Variants in ABI3BP observed in about 807,000 individuals in gnomAD.
ABI3BP encodes ABI family member 3 binding protein, also known as target of Nesh-SH3.
ABI3BP carries 216 observed loss-of-function variants against 268.6 expected under a neutral mutation model. The ratio of observed to expected loss-of-function variants is 0.80; its 90% confidence interval spans 0.72 to 0.90. The LOEUF (loss-of-function observed/expected upper bound fraction) is 0.90. ABI3BP is among the 40% of genes least tolerant of loss of function. The pLI, the probability that ABI3BP is intolerant of heterozygous loss-of-function variation, is 0.00. For synonymous variants in ABI3BP, 730 were observed against 730.0 expected (o/e 1.00, Z 0.00); for missense variants, 2,090 against 2,182.4 (o/e 0.96, Z 0.84).
chr3:100,969,244 T>C (rs2082531500), intron 1 of ABI3BP, among the ~76,000 whole-genome samples: 1 of 152,178 alleles, frequency 6.6e-6, no homozygotes, highest in South Asian at 2.1e-4. Flanking sequence ...TCCCAAATTT[T>C]AGAGATAGAG....
intron 50 of ABI3BP, among the ~76,000 whole-genome samples, chr3:100,805,831 A>G (rs759342894): frequency 7.2e-5 from 11 of 152,094 alleles, no homozygotes; most frequent in Middle Eastern, 3.2e-3. Flanking sequence ...TAAGAATCCA[A>G]TGTGAAATGT....
chr3:100,866,891 G>C lies in ABI3BP; in HGVS notation c.976C>G (p.Arg326Gly), dbSNP rs1331967205. ...GCGATCTCATTACCTGTTGTGGGTC[G>C]TGCTGAGATTTTTTCAACCTCTGGT... ...KTPEVEKISA[R>G]PTTVTPETVP... is the part of the protein sequence containing the mutation. The change falls in exon 10 of 68, where the codon CGA becomes GGA. Residue 326 changes from arginine (R) to glycine (G), a missense_variant. Transcript: ENST00000471714. 6.2e-7 allele frequency: 1 copy of C among 1,613,524 alleles called. No homozygotes were observed. The highest frequency in any genetic ancestry group is 1.3e-5 in the African/African-American group (1 of 74,904).
At chr3:100,768,120 A>C in intron 62 of ABI3BP, among the ~76,000 whole-genome samples, 1 of 128,834 alleles carries the variant, frequency 7.8e-6, no homozygotes, top group African/African-American at 3.0e-5. Flanking sequence ...GGAGTCTCAC[A>C]CTCTGTCGCC....
chr3:100,930,639 T>C (rs959853567), intron 1 of ABI3BP: 1 of 151,874 alleles, frequency 6.6e-6, no homozygotes, highest in Non-Finnish European at 1.5e-5. Flanking sequence ...CCTCCCAAGA[T>C]TGAACCAGGA....
intron 24 of ABI3BP, among the ~76,000 whole-genome samples, chr3:100,839,112 T>G (rs1560648256): frequency 6.6e-6 from 1 of 152,170 alleles, no homozygotes; most frequent in Non-Finnish European, 1.5e-5. Context: ...TCAAAAACAT[T>G]TTTCAAAGAA....
chr3:100,813,177 G>A (rs989183748), intron 45 of ABI3BP, among the ~76,000 whole-genome samples: 1 of 152,098 alleles, frequency 6.6e-6, no homozygotes, highest in Non-Finnish European at 1.5e-5. Flanking sequence ...CACTATGCCT[G>A]GCCTATTTAC....
chr3:100,894,960 A>AAAAAAAC (rs2046843872), intron 4 of ABI3BP, among the ~76,000 whole-genome samples: 3 of 145,488 alleles, frequency 2.1e-5, no homozygotes, highest in African/African-American at 5.0e-5. Flanking sequence ...AAAAAAAAAA[A>AAAAAAAC]AAAAAAACAG....
intron 30 of ABI3BP, 57 bp downstream of exon 30, chr3:100,833,068 C>T: frequency 6.8e-7 from 1 of 1,460,310 alleles, no homozygotes; most frequent in Non-Finnish European, 9.2e-7. Context: ...AGCACCATAG[C>T]AAAATCTGAC....
chr3:100,792,575 A>C, intron 55 of ABI3BP, 116 bp downstream of exon 55: 1 of 1,041,098 alleles, frequency 9.6e-7, no homozygotes, highest in Non-Finnish European at 1.4e-6. Context: ...CTATAAAATG[A>C]CAAAAAAAGT....
chr3:100,838,490 C>T, intron 24 of ABI3BP, 26 bp from the exon 25 acceptor site: 1 of 1,503,900 alleles, frequency 6.6e-7, no homozygotes, highest in South Asian at 1.2e-5. Context: ...TTAAAATTAC[C>T]ACAATGGGTC....
At chr3:100,938,991 T>C (rs2067597704) in intron 1 of ABI3BP, among the ~76,000 whole-genome samples, 1 of 152,084 alleles carries the variant, frequency 6.6e-6, no homozygotes, top group Non-Finnish European at 1.5e-5. Flanking sequence ...CAAATTGTAA[T>C]TGGAATCACA....
intron 6 of ABI3BP, among the ~76,000 whole-genome samples, chr3:100,879,315 A>G (rs2099201218): frequency 6.6e-6 from 1 of 152,150 alleles, no homozygotes; most frequent in South Asian, 2.1e-4. Context: ...TCTAGGTACC[A>G]ATAATCATTT....
chr3:100,878,688 A>G (rs1334953509), intron 6 of ABI3BP, among the ~76,000 whole-genome samples: 1 of 152,172 alleles, frequency 6.6e-6, no homozygotes, highest in Non-Finnish European at 1.5e-5. Flanking sequence ...GCACTTGCAC[A>G]GAGATCCTTC....
intron 1 of ABI3BP, among the ~76,000 whole-genome samples, chr3:100,944,666 G>A (rs1031606167): frequency 6.6e-6 from 1 of 152,054 alleles, no homozygotes; most frequent in African/African-American, 2.4e-5. Flanking sequence ...GGAACCAATG[G>A]TTTTATCTGC....
intron 10 of ABI3BP, 43 bp downstream of exon 10, chr3:100,866,836 A>AT (rs771929857): frequency 1.9e-6 from 3 of 1,538,554 alleles, no homozygotes; most frequent in Admixed American, 3.6e-5. Context: ...GAAAAAAAGC[A>AT]TTTTTTCTTT....
chr3:100,942,658 A>T (rs2069977990), intron 1 of ABI3BP, among the ~76,000 whole-genome samples: 1 of 152,064 alleles, frequency 6.6e-6, no homozygotes, highest in African/African-American at 2.4e-5. Context: ...TTGATGGAAG[A>T]TGGGCTAGGC....
At chr3:100,862,764 C>A in intron 13 of ABI3BP, 74 bp downstream of exon 13, 1 of 1,002,846 alleles carries the variant, frequency 1.0e-6, no homozygotes, top group Non-Finnish European at 1.5e-6. Flanking sequence ...AAATAAGATG[C>A]AGTAAATGTG....
At chr3:100,833,591 C>T (rs1009839331) in intron 29 of ABI3BP, among the ~76,000 whole-genome samples, 1 of 152,110 alleles carries the variant, frequency 6.6e-6, no homozygotes, top group African/African-American at 2.4e-5. Context: ...TAATGCTGTT[C>T]TTTGTTGAGA....
At chr3:100,977,533 G>A (rs955561824) in intron 1 of ABI3BP, among the ~76,000 whole-genome samples, 6 of 152,172 alleles carry the variant, frequency 3.9e-5, no homozygotes, top group Non-Finnish European at 7.3e-5. Context: ...CGAAATCTAA[G>A]CCCTTCACCT....
Sources: gnomAD v4.1 joint callset for allele counts (sites outside exome capture counted in the v4.1 genomes callset) on GRCh38, gnomAD v4.1.1 for gene constraint, MANE v1.5 for transcripts, NCBI Gene and HGNC (gene_info 2026-07-23, HGNC 2026-07-21) for gene names.